The following GJB7 variants were observed in gnomAD, a reference collection of about 807,000 sequenced individuals.
The protein encoded by GJB7 is gap junction beta-7 protein.
For missense variants in GJB7, 253 were observed against 256.8 expected (o/e 0.99, Z 0.10); for synonymous variants, 87 against 95.2 (o/e 0.91, Z 0.50).
chr6:87,315,855 A>C (rs1303133691), intron 2 of GJB7, among the ~76,000 whole-genome samples: 2 of 151,874 alleles, frequency 1.3e-5, no homozygotes, highest in Admixed American at 1.3e-4. Context: ...ATGAGACAAG[A>C]CATTCCTGTT....
At position 87,324,101 on chromosome 6, in the gene GJB7, G is replaced by A. The variant is rs1017963029; in HGVS notation, c.-205-1058C>T. Among the ~76,000 whole-genome samples, 9 of 151,606 alleles carry A rather than the reference G, an allele frequency of 5.9e-5. No individual in the cohort carries two copies. The South Asian group carries it at 6.2e-4, about 10-fold the overall frequency. ...TGAGAAGTGTCTGTTCATGTCCTTC[G>A]CCCACTTTTTGATGGGGTTCTTTGT... is the stretch of plus-strand genomic sequence containing the variant. On this transcript the variant is annotated intron_variant, in intron 1 of 2. Coordinates refer to ENST00000525899, the MANE Select transcript of GJB7 (RefSeq NM_198568.3).
rs1055012094 is a variant in GJB7, at chr6:87,283,187, T to C, written c.*1054A>G. 10 of 152,236 alleles carry C rather than the reference T, an allele frequency of 6.6e-5. No homozygotes were observed. Among genetic ancestry groups the C allele is most frequent in the African/African-American group, 2.4e-4 (10 of 41,462 alleles). The allele number at this position is 152,236 out of a possible 1,614,324, so 9.4% of individuals were successfully genotyped here. ...TTACTATCTGTCCTAGAGGGAGATA[T>C]ACTAGTAAATTATAGGCGAACTATG... On this transcript the variant is annotated 3_prime_UTR_variant, in exon 3 of 3. Transcript: ENST00000525899.
At chr6:87,310,477 T>A (rs1053247315) in intron 2 of GJB7, among the ~76,000 whole-genome samples, 1 of 151,978 alleles carries the variant, frequency 6.6e-6, no homozygotes, top group East Asian at 1.9e-4. Flanking sequence ...ACAGAATTCA[T>A]AAAAATTAAT....
At chr6:87,326,270 G>C (rs1014484236) in intron 1 of GJB7, among the ~76,000 whole-genome samples, 4 of 152,080 alleles carry the variant, frequency 2.6e-5, no homozygotes, top group African/African-American at 9.7e-5. Context: ...ATTTCCTTTA[G>C]TTGTGCTCTG....
intron 2 of GJB7, among the ~76,000 whole-genome samples, chr6:87,312,435 C>T (rs917686447): frequency 1.1e-4 from 17 of 150,300 alleles, no homozygotes; most frequent in African/African-American, 3.7e-4. Flanking sequence ...TGCTTGAACT[C>T]GCGAGGCGGA....
At chr6:87,301,237 C>T (rs183299370) in intron 2 of GJB7, among the ~76,000 whole-genome samples, 10 of 152,240 alleles carry the variant, frequency 6.6e-5, no homozygotes, top group Admixed American at 6.5e-4. Flanking sequence ...GAGGCATCGC[C>T]TCACCCGGGA....
chr6:87,287,696 G>T (rs866282106), intron 2 of GJB7, among the ~76,000 whole-genome samples: 8 of 152,142 alleles, frequency 5.3e-5, no homozygotes, highest in African/African-American at 1.9e-4. Context: ...GCGTTTGTCT[G>T]TATTACTCAA....
Position 87,284,632 on chromosome 6 carries a change from T to A in GJB7, c.281A>T (p.His94Leu), listed in dbSNP as rs376528262. The A allele has an allele frequency of 1.9e-6, 3 of 1,614,092 alleles. No homozygotes were observed. Among genetic ancestry groups the A allele is most frequent in the African/African-American group, 1.3e-5 (1 of 74,930 alleles). The stretch of plus-strand genomic sequence containing the variant: ...CTCTCTACCCTCATGATAGGCTACA[T>A]GTAAAACCACCAGAAGTGAAGGTGT... ...VSTPSLLVVLHVAYHEGREKR... is the reference protein window; with the variant it reads ...VSTPSLLVVLLVAYHEGREKR... Residue 94 changes from histidine (H) to leucine (L), a missense_variant, in exon 3 of 3, where the codon CAT (histidine) becomes CTT (leucine). His to Leu is a moderately conservative substitution (Grantham distance 99, BLOSUM62 -3). Transcript: ENST00000525899.
intron 1 of GJB7, among the ~76,000 whole-genome samples, chr6:87,324,039 T>C (rs1416597358): frequency 6.7e-6 from 1 of 150,256 alleles, no homozygotes; most frequent in Non-Finnish European, 1.5e-5. Flanking sequence ...GGTGAGCATT[T>C]TTTCATGTGT....
intron 2 of GJB7, among the ~76,000 whole-genome samples, chr6:87,316,666 C>T (rs1776588707): frequency 1.3e-5 from 2 of 152,220 alleles, no homozygotes. Context: ...AAACACTCCA[C>T]TTTTGATCTT....
At chr6:87,307,629 T>C (rs2127906206) in intron 2 of GJB7, among the ~76,000 whole-genome samples, 1 of 152,312 alleles carries the variant, frequency 6.6e-6, no homozygotes, top group Admixed American at 6.5e-5. Flanking sequence ...GAAAAAATGC[T>C]CATCATCACT....
intron 2 of GJB7, among the ~76,000 whole-genome samples, chr6:87,312,867 G>C (rs111788734): frequency 6.6e-6 from 1 of 152,164 alleles, no homozygotes; most frequent in African/African-American, 2.4e-5. Flanking sequence ...GGCTGAAAGA[G>C]ACAGGGCATT....
At position 87,328,907 on chromosome 6, in the gene GJB7, C is replaced by T. The variant is rs1776916055; in HGVS notation, c.-206+231G>A. On this transcript the variant is annotated intron_variant, in intron 1 of 2. Coordinates refer to ENST00000525899, the MANE Select transcript of GJB7 (RefSeq NM_198568.3). Reference sequence around the variant, plus strand: ...TGCTGTGCTAGCAATCAGCCAGACTCCGTGGGCGTAGGACCCTCCGAACCA... The same window carrying T: ...TGCTGTGCTAGCAATCAGCCAGACTTCGTGGGCGTAGGACCCTCCGAACCA... 2.0e-5 allele frequency among the ~76,000 whole-genome samples: 3 copies of T among 152,238 alleles called. 1 individual carries two copies. The South Asian group carries it at 6.2e-4, about 32-fold the overall frequency.
At position 87,284,950 on chromosome 6, in the gene GJB7, A is replaced by G. The variant is rs1305545359; in HGVS notation, c.-27-11T>C. The G allele has an allele frequency of 3.4e-6, 5 of 1,480,280 alleles. No homozygotes were observed. Among genetic ancestry groups the G allele is most frequent in the Non-Finnish European group, 4.6e-6 (5 of 1,076,200 alleles). 91.7% of individuals were successfully genotyped at this position (1,480,280 alleles called of 1,614,324 possible). A position where few individuals can be genotyped will look rare whatever the true frequency, so the allele number is the denominator to read the frequency against. On this transcript the variant is annotated splice_polypyrimidine_tract_variant and intron_variant, in intron 2 of 2. Transcript: ENST00000525899. ...AAAGAAGGCAAGACTCTGCAAAATA[A>G]GACAATTTCATCAGGATCCATTTAT...
intron 2 of GJB7, among the ~76,000 whole-genome samples, chr6:87,287,884 T>C (rs557841470): frequency 5.3e-5 from 8 of 152,176 alleles, no homozygotes; most frequent in African/African-American, 1.7e-4. Flanking sequence ...TTTTATTTTA[T>C]AAATGTCCAT....
At chr6:87,311,959 G>A (rs2071581092) in intron 2 of GJB7, among the ~76,000 whole-genome samples, 1 of 151,952 alleles carries the variant, frequency 6.6e-6, no homozygotes, top group African/African-American at 2.4e-5. Context: ...TCAGTATGAA[G>A]AATTGTAAAG....
chr6:87,319,054 C>T (rs1304558169), intron 2 of GJB7, among the ~76,000 whole-genome samples: 1 of 152,044 alleles, frequency 6.6e-6, no homozygotes, highest in Non-Finnish European at 1.5e-5. Context: ...CTTTGGGAAC[C>T]CCAGATTAAA....
chr6:87,289,769 G>A (rs892702633), intron 2 of GJB7, among the ~76,000 whole-genome samples: 1 of 152,154 alleles, frequency 6.6e-6, no homozygotes. Flanking sequence ...GCAACTTCTT[G>A]CCCAACACTG....
At chr6:87,324,297 G>A (rs1429083618) in intron 1 of GJB7, among the ~76,000 whole-genome samples, 1 of 152,138 alleles carries the variant, frequency 6.6e-6, no homozygotes, top group Non-Finnish European at 1.5e-5. Context: ...GTCAATTTTG[G>A]CTTTGGTTGC....
Sources: gnomAD v4.1 joint callset for allele counts (sites outside exome capture counted in the v4.1 genomes callset) on GRCh38, gnomAD v4.1.1 for gene constraint, MANE v1.5 for transcripts, NCBI Gene and HGNC (gene_info 2026-07-23, HGNC 2026-07-21) for gene names.